CTNNBL1: variants seen among roughly 807,000 people sequenced by gnomAD.
CTNNBL1 encodes catenin beta like 1, also known as beta-catenin-like protein 1.
In CTNNBL1, 31 loss-of-function variants were observed where a neutral mutation model predicts 72.7. The observed-to-expected ratio is 0.43, with a 90% CI of 0.32 to 0.58. The LOEUF is 0.58. Among genes scored for constraint, CTNNBL1 ranks in the 20% least tolerant of loss-of-function variants. CTNNBL1 has a pLI of 0.08. For synonymous variants in CTNNBL1, 240 were observed against 267.3 expected, an observed-to-expected ratio of 0.90 and a Z score of 1.00; for missense variants, 534 against 725.1, an observed-to-expected ratio of 0.74 and a Z score of 3.03.
At chr20:37,807,655 G>A (rs1037457713) in intron 11 of CTNNBL1, among the ~76,000 whole-genome samples, 3 of 152,164 alleles carry the variant, frequency 2.0e-5, no homozygotes, top group Non-Finnish European at 4.4e-5. Flanking sequence ...TGGTAATTTA[G>A]TTCCTCTTTT....
At chr20:37,803,234 C>G (rs2073837566) in intron 11 of CTNNBL1, among the ~76,000 whole-genome samples, 186 bp downstream of exon 11, 1 of 152,070 alleles carries the variant, frequency 6.6e-6, no homozygotes, top group Non-Finnish European at 1.5e-5. Flanking sequence ...TTTGTTGCAC[C>G]AGTTCTCTGC....
chr20:37,701,627 G>A (rs968922704), intron 1 of CTNNBL1, among the ~76,000 whole-genome samples: 2 of 152,196 alleles, frequency 1.3e-5, no homozygotes, highest in Non-Finnish European at 2.9e-5. Flanking sequence ...TGATGAATGG[G>A]TAGGGATTCT....
intron 6 of CTNNBL1, among the ~76,000 whole-genome samples, chr20:37,767,185 T>G (rs2073476724): frequency 6.6e-6 from 1 of 152,132 alleles, no homozygotes; most frequent in East Asian, 1.9e-4. Context: ...GCTAGTAACA[T>G]ATTCCAGGAT....
chr20:37,718,296 C>A (rs1164571788), intron 1 of CTNNBL1, among the ~76,000 whole-genome samples: 1 of 132,978 alleles, frequency 7.5e-6, no homozygotes, highest in Admixed American at 7.4e-5. Context: ...CTGACCCCCC[C>A]ACCTCCCTCC....
At chr20:37,811,347 C>T (rs1303984386) in intron 11 of CTNNBL1, among the ~76,000 whole-genome samples, 1 of 152,152 alleles carries the variant, frequency 6.6e-6, no homozygotes, top group Non-Finnish European at 1.5e-5. Context: ...AACAATAAGC[C>T]AGTAAAGAGT....
At chr20:37,792,331 T>C (rs1040358290) in intron 10 of CTNNBL1, among the ~76,000 whole-genome samples, 2 of 152,162 alleles carry the variant, frequency 1.3e-5, no homozygotes, top group Non-Finnish European at 1.5e-5. Context: ...TCTGTGTGTT[T>C]GTGCGTGTAT....
chr20:37,725,193 C>T (rs566758191), intron 1 of CTNNBL1, among the ~76,000 whole-genome samples: 12 of 152,272 alleles, frequency 7.9e-5, no homozygotes, highest in African/African-American at 2.2e-4. Context: ...AGGCGTGTGC[C>T]ACTGCACCCG....
intron 2 of CTNNBL1, among the ~76,000 whole-genome samples, chr20:37,736,588 C>T (rs773240061): frequency 9.9e-5 from 15 of 152,106 alleles, no homozygotes; most frequent in Middle Eastern, 3.4e-3. Context: ...TCACCCAGGC[C>T]GGAGTGCAGC....
chr20:37,704,009 T>G (rs2072865519), intron 1 of CTNNBL1, among the ~76,000 whole-genome samples: 1 of 152,130 alleles, frequency 6.6e-6, no homozygotes, highest in African/African-American at 2.4e-5. Flanking sequence ...ACTCCTGACC[T>G]CAGGTGATCC....
chr20:37,730,372 T>C (rs2073118853), intron 1 of CTNNBL1, among the ~76,000 whole-genome samples: 1 of 152,234 alleles, frequency 6.6e-6, no homozygotes, highest in South Asian at 2.1e-4. Flanking sequence ...GACAGAATCA[T>C]GTGGATTACC....
intron 10 of CTNNBL1, among the ~76,000 whole-genome samples, chr20:37,793,221 A>T (rs1340407927): frequency 6.6e-6 from 1 of 152,228 alleles, no homozygotes; most frequent in East Asian, 1.9e-4. Flanking sequence ...TGAGAGAAGA[A>T]TATTGAAACC....
At chr20:37,776,325 T>G (rs1381797160) in intron 7 of CTNNBL1, among the ~76,000 whole-genome samples, 2 of 152,200 alleles carry the variant, frequency 1.3e-5, no homozygotes, top group Admixed American at 6.5e-5. Context: ...ATTGCTTGAT[T>G]AGGTACAACT....
At chr20:37,794,190 C>G (rs2073749723) in intron 10 of CTNNBL1, among the ~76,000 whole-genome samples, 1 of 80,812 alleles carries the variant, frequency 1.2e-5, no homozygotes, top group African/African-American at 4.9e-5. Context: ...TGTGTAGATC[C>G]AGATTTCCAT....
intron 7 of CTNNBL1, among the ~76,000 whole-genome samples, chr20:37,769,514 A>G (rs148528270): frequency 6.6e-6 from 1 of 152,284 alleles, no homozygotes; most frequent in Admixed American, 6.5e-5. Context: ...TTTTAGCTTC[A>G]TATTTATATT....
chr20:37,733,162 A>T, intron 2 of CTNNBL1, 95 bp downstream of exon 2: 1 of 1,051,758 alleles, frequency 9.5e-7, no homozygotes. Flanking sequence ...TCCCATCTTC[A>T]TCTGTAAAAT....
rs769781004 is a variant in CTNNBL1 at position 37,856,138 on chromosome 20, G to A, written c.1393-3761G>A. Reference sequence around the variant, plus strand: ...TGTAATCTCAGCTACTTGGGAGGCTGAGGCAGGAGAGTCGCTTGAACCCGG... The same window carrying A: ...TGTAATCTCAGCTACTTGGGAGGCTAAGGCAGGAGAGTCGCTTGAACCCGG... On this transcript the variant is annotated intron_variant, in intron 13 of 15. Transcript: ENST00000361383. 2.6e-5 allele frequency among the ~76,000 whole-genome samples: 4 copies of A among 151,202 alleles called. No individual in the cohort carries two copies. The Middle Eastern group carries it at 0.01, about 388-fold the overall frequency.
intron 1 of CTNNBL1, among the ~76,000 whole-genome samples, chr20:37,732,165 G>T (rs1455485089): frequency 6.6e-6 from 1 of 152,130 alleles, no homozygotes; most frequent in African/African-American, 2.4e-5. Flanking sequence ...GATTAGTGAT[G>T]GTAAGCATTT....
chr20:37,774,648 C>A (rs773760516), intron 7 of CTNNBL1, among the ~76,000 whole-genome samples: 13 of 152,164 alleles, frequency 8.5e-5, no homozygotes, highest in Non-Finnish European at 1.8e-4. Flanking sequence ...ACCAAGAATT[C>A]TCAGTAGCAA....
chr20:37,778,894 G>T (rs2073599703), intron 9 of CTNNBL1, among the ~76,000 whole-genome samples: 1 of 151,808 alleles, frequency 6.6e-6, no homozygotes, highest in Admixed American at 6.6e-5. Flanking sequence ...ACGATAAAAA[G>T]ATTTTGTTTT....
Sources: allele counts gnomAD v4.1 joint callset (sites outside exome capture counted in the v4.1 genomes callset), GRCh38; gene constraint gnomAD v4.1.1; transcripts MANE v1.5; gene names NCBI Gene and HGNC (gene_info 2026-07-23, HGNC 2026-07-21).